The following PASD1 variants were observed in gnomAD, a reference collection of about 807,000 sequenced individuals.
The protein encoded by PASD1 is circadian clock protein PASD1.
In PASD1, 13 loss-of-function variants were observed where a neutral mutation model predicts 58.8. The observed-to-expected ratio is 0.22, with a 90% confidence interval of 0.14 to 0.35. The LOEUF is 0.35. PASD1 is among the 10% of genes least tolerant of loss of function. The probability of loss-of-function intolerance (pLI) is 1.00; values close to 1 mark genes in which losing one functional copy is unlikely to be tolerated. For missense variants in PASD1, 734 were observed against 568.3 expected (o/e 1.29, Z -2.96); for synonymous variants, 236 against 216.7 (o/e 1.09, Z -0.78).
At chrX:151,637,080 CTT>C (rs1053058287) in intron 8 of PASD1, among the ~76,000 whole-genome samples, 2 of 112,346 alleles carry the variant, frequency 1.8e-5, no homozygotes, top group Non-Finnish European at 3.8e-5. Flanking sequence ...GCATCAAAAA[CTT>C]TTTACTGATG....
intron 4 of PASD1, among the ~76,000 whole-genome samples, chrX:151,619,055 G>A (rs183521408): frequency 0.07 from 7,734 of 111,149 alleles, 250 homozygotes; most frequent in African/African-American, 0.11. Flanking sequence ...GGTGGCAGGG[G>A]CATGGCAAGA....
intron 11 of PASD1, among the ~76,000 whole-genome samples, chrX:151,669,817 C>T (rs1258239134): frequency 9.0e-6 from 1 of 111,706 alleles, no homozygotes; most frequent in Non-Finnish European, 1.9e-5. Flanking sequence ...GGGTTAATTC[C>T]AAATTTTGGC....
Position 151,664,124 on chromosome X carries a change from T to A in PASD1, c.847T>A (p.Ser283Thr). 8.3e-7 allele frequency: 1 copy of A among 1,211,776 alleles called. No individual in the cohort carries two copies. The highest frequency in any genetic ancestry group is 1.1e-6 in the Non-Finnish European group (1 of 895,556). ...LDTMPESPAL[S>T]LQDFRGEPEV... ...CCCTGTGCTTTCTTCCTCAGCCTTA[T>A]CCTTGCAAGACTTTCGAGGTGAGCC... The change falls in exon 11 of 16, where the codon TCC becomes ACC. Residue 283 changes from serine to threonine, a missense_variant. Ser to Thr is a moderately conservative substitution (Grantham distance 58). Transcript: ENST00000370357.
At chrX:151,591,624 C>T (rs963474415) in intron 1 of PASD1, among the ~76,000 whole-genome samples, 2 of 111,721 alleles carry the variant, frequency 1.8e-5, no homozygotes, top group African/African-American at 6.5e-5. Flanking sequence ...CATGTTCTTT[C>T]ACCGACATAA....
intron 1 of PASD1, among the ~76,000 whole-genome samples, chrX:151,587,682 C>A (rs764576312): frequency 8.9e-6 from 1 of 111,762 alleles, no homozygotes; most frequent in African/African-American, 3.3e-5. Context: ...GAGAAAAGCA[C>A]AGCCAGTCAG....
chrX:151,582,991 A>G (rs936602803), intron 1 of PASD1, among the ~76,000 whole-genome samples: 2 of 112,164 alleles, frequency 1.8e-5, no homozygotes, highest in Non-Finnish European at 3.8e-5. Context: ...GGGAACCAGA[A>G]TTGGGAGAAA....
At position 151,672,636 on chromosome X, in the gene PASD1, G is replaced by A. The variant is rs778549118; in HGVS notation, c.1891G>A (p.Gly631Arg). ...TGGCTTCTATCAAGATGAAAACTGT[G>A]GGCAACAGGAAGATGAGAGTCAAAG... ...PSGFYQDENC[G>R]QQEDESQSFY... The change falls in exon 14 of 16, where the codon GGG (glycine) becomes AGG (arginine). Residue 631 changes from glycine to arginine, a missense_variant. Coordinates refer to ENST00000370357, the MANE Select transcript of PASD1 (RefSeq NM_173493.3). 8 of 1,210,109 alleles carry A rather than the reference G, an allele frequency of 6.6e-6. No homozygotes were observed. Among genetic ancestry groups the A allele is most frequent in the Non-Finnish European group, 1.1e-6 (1 of 895,154 alleles).
chrX:151,570,526 G>A (rs1190476521), intron 1 of PASD1, among the ~76,000 whole-genome samples: 1 of 112,596 alleles, frequency 8.9e-6, no homozygotes, highest in African/African-American at 3.2e-5. Flanking sequence ...AAAGGGGAAT[G>A]ATTGTAGAGC....
chrX:151,614,744 T>TA lies in PASD1; in HGVS notation c.207+2992dup, dbSNP rs751679043. On this transcript the variant is annotated intron_variant, in intron 4 of 15. Transcript: ENST00000370357. Reference sequence around the variant, plus strand: ...AAGCTAGGTTAGATTATCTTGTAGTTAGGTTGGAAGTGGATTAAAAATATG... The same window carrying TA: ...AAGCTAGGTTAGATTATCTTGTAGTTAAGGTTGGAAGTGGATTAAAAATATG... 4.5e-5 allele frequency among the ~76,000 whole-genome samples: 5 copies of TA among 112,025 alleles called. No individual in the cohort carries two copies. In the South Asian group the frequency reaches 1.9e-3, roughly 42 times the overall value.
chrX:151,576,340 A>G, intron 1 of PASD1, among the ~76,000 whole-genome samples: 1 of 112,195 alleles, frequency 8.9e-6, no homozygotes, highest in African/African-American at 3.2e-5. Context: ...CACCTGAGTT[A>G]GTAATTCATA....
intron 14 of PASD1, 86 bp downstream of exon 14, chrX:151,672,747 C>T (rs1391838347): frequency 1.9e-5 from 22 of 1,149,045 alleles, no homozygotes; most frequent in South Asian, 1.1e-4. Context: ...CACAGACAGA[C>T]GACCTATCCA....
intron 11 of PASD1, among the ~76,000 whole-genome samples, chrX:151,665,384 T>TA (rs2014363981): frequency 1.8e-5 from 2 of 112,141 alleles, no homozygotes; most frequent in Non-Finnish European, 3.8e-5. Flanking sequence ...GTATAACTTT[T>TA]AAAAAATCAC....
chrX:151,637,508 C>G (rs1306202923), intron 8 of PASD1, among the ~76,000 whole-genome samples: 1 of 111,083 alleles, frequency 9.0e-6, no homozygotes, highest in Non-Finnish European at 1.9e-5. Flanking sequence ...TCCTGGTAGC[C>G]GGAATTACAG....
At chrX:151,671,861 G>T (rs189169900) in intron 13 of PASD1, 82 bp downstream of exon 13, 2 of 1,006,142 alleles carry the variant, frequency 2.0e-6, no homozygotes, top group African/African-American at 1.9e-5. Context: ...TTCTCCTTAG[G>T]GGGTAGTGAC....
At chrX:151,655,725 T>C (rs1401100013) in intron 9 of PASD1, among the ~76,000 whole-genome samples, 1 of 112,016 alleles carries the variant, frequency 8.9e-6, no homozygotes, top group Non-Finnish European at 1.9e-5. Context: ...TGTAAATTTG[T>C]TTGAGTTCAT....
chrX:151,569,056 C>T (rs192949663), intron 1 of PASD1, among the ~76,000 whole-genome samples: 73 of 111,564 alleles, frequency 6.5e-4, no homozygotes, highest in Non-Finnish European at 1.1e-3. Context: ...TGCAATTCCC[C>T]CTACTTAAGT....
At chrX:151,631,822 A>G (rs1015518527) in intron 8 of PASD1, among the ~76,000 whole-genome samples, 5 of 111,907 alleles carry the variant, frequency 4.5e-5, no homozygotes, top group Admixed American at 1.9e-4. Flanking sequence ...TTACCATACT[A>G]TACTATACCG....
rs142592186 is a variant in PASD1 at position 151,616,329 on chromosome X, G to A, written c.207+4576G>A. ...TGGAAGCATTTTGTAGGTAAAATAA[G>A]TTGTTTTGCTGATGTATTGGAAGAG... On this transcript the variant is annotated intron_variant, in intron 4 of 15. Coordinates refer to ENST00000370357, the MANE Select transcript of PASD1 (RefSeq NM_173493.3). 8.1e-3 allele frequency among the ~76,000 whole-genome samples: 897 copies of A among 111,079 alleles called. 3 individuals are homozygous for A. The highest frequency in any genetic ancestry group is 0.018 in the Middle Eastern group (4 of 218).
At chrX:151,628,374 A>C (rs2124277474) in intron 8 of PASD1, among the ~76,000 whole-genome samples, 1 of 112,167 alleles carries the variant, frequency 8.9e-6, no homozygotes, top group African/African-American at 3.2e-5. Context: ...TCTGGAATTA[A>C]TTTTTGTATA....
Sources: gnomAD v4.1 joint callset for allele counts (sites outside exome capture counted in the v4.1 genomes callset) on GRCh38, gnomAD v4.1.1 for gene constraint, MANE v1.5 for transcripts, NCBI Gene and HGNC (gene_info 2026-07-23, HGNC 2026-07-21) for gene names.